Variants in CLVS1 observed in about 807,000 individuals in gnomAD.
The protein encoded by CLVS1 is clavesin 1.
Under a neutral mutation model 33.1 loss-of-function variants are expected in CLVS1, and 10 were observed. The ratio of observed to expected loss-of-function variants is 0.30; its 90% CI spans 0.19 to 0.51. The LOEUF (loss-of-function observed/expected upper bound fraction) is 0.51, where lower values mean the gene tolerates loss of function less well. CLVS1 is among the 20% of genes least tolerant of loss of function. The probability of loss-of-function intolerance (pLI) is 0.97; values close to 1 mark genes in which losing one functional copy is unlikely to be tolerated. For synonymous variants in CLVS1, 163 were observed against 166.1 expected (o/e 0.98, Z 0.14); for missense variants, 343 against 433.4 (o/e 0.79, Z 1.85).
intron 3 of CLVS1, chr8:61,377,559 AG>A (rs1470817891): frequency 6.6e-6 from 1 of 152,238 alleles, no homozygotes; most frequent in Non-Finnish European, 1.5e-5. Flanking sequence ...CATAGACGGC[AG>A]TTATAGGCAG....
In CLVS1 at chr8:61,300,293, A is replaced by C. The variant is rs772365032; in HGVS notation, c.455+11A>C. The C allele has an allele frequency of 6.2e-7, 1 of 1,601,510 alleles. No individual in the cohort carries two copies. On this transcript the variant is annotated intron_variant, in intron 2 of 5. Coordinates refer to ENST00000325897, the MANE Select transcript of CLVS1 (RefSeq NM_173519.3). ...TTGGGATCAGAGTAGGTAAATGTAG[A>C]TAGTGTCTTTACTTGGTTTTTCTTT...
intron 2 of CLVS1, among the ~76,000 whole-genome samples, chr8:61,323,030 A>G (rs16927177): frequency 0.014 from 2,148 of 152,158 alleles, 52 homozygotes; most frequent in African/African-American, 0.048. Flanking sequence ...ATAGGCACCT[A>G]AGGAACACGA....
chr8:61,063,745 A>G (rs183020867), intron 1 of CLVS1, among the ~76,000 whole-genome samples: 75 of 152,346 alleles, frequency 4.9e-4, no homozygotes, highest in Middle Eastern at 3.4e-3. Context: ...ACATAAAATT[A>G]CCATTTTAAC....
At chr8:61,031,448 C>T in the CLVS1 span, among the ~76,000 whole-genome samples, 3 of 152,200 alleles carry the variant, frequency 2.0e-5, no homozygotes, top group African/African-American at 7.2e-5. Flanking sequence ...GTCTCCACAC[C>T]AAGACTCAAC....
intron 2 of CLVS1, among the ~76,000 whole-genome samples, chr8:61,178,868 A>C (rs1466753929): frequency 6.6e-6 from 1 of 152,220 alleles, no homozygotes; most frequent in Non-Finnish European, 1.5e-5. Flanking sequence ...GAAAGGAAAA[A>C]CCAGTATCCA....
intron 2 of CLVS1, among the ~76,000 whole-genome samples, chr8:61,177,767 AAAAC>A (rs1807145783): frequency 6.6e-6 from 1 of 151,652 alleles, no homozygotes; most frequent in Non-Finnish European, 1.5e-5. Context: ...TATTGAAAGA[AAAAC>A]AAACACAACG....
chr8:61,097,567 C>A (rs1805376209), intron 1 of CLVS1, among the ~76,000 whole-genome samples: 1 of 152,174 alleles, frequency 6.6e-6, no homozygotes, highest in African/African-American at 2.4e-5. Flanking sequence ...AGAGAGAGTT[C>A]TCTGCTTTAC....
intron 2 of CLVS1, among the ~76,000 whole-genome samples, chr8:61,172,369 T>C (rs1054411348): frequency 4.6e-5 from 7 of 152,146 alleles, no homozygotes; most frequent in East Asian, 1.9e-4. Context: ...TGAGACAACT[T>C]GTGGAATTAA....
At chr8:61,367,612 C>A (rs536872464) in intron 2 of CLVS1, among the ~76,000 whole-genome samples, 5 of 152,330 alleles carry the variant, frequency 3.3e-5, no homozygotes, top group African/African-American at 1.2e-4. Context: ...ACTTTCTGTG[C>A]ATTACCATGA....
At chr8:61,253,225 C>A (rs972504578) in intron 2 of CLVS1, among the ~76,000 whole-genome samples, 1 of 152,174 alleles carries the variant, frequency 6.6e-6, no homozygotes, top group African/African-American at 2.4e-5. Flanking sequence ...AAATTCTTTT[C>A]TTTAAGAATG....
chr8:61,271,700 T>C (rs1369630235), intron 2 of CLVS1, among the ~76,000 whole-genome samples: 1 of 104,134 alleles, frequency 9.6e-6, no homozygotes, highest in Non-Finnish European at 1.8e-5. Flanking sequence ...TGGGTGCTCC[T>C]GTATTGGGTG....
At chr8:61,156,731 C>T (rs1806658213) in intron 2 of CLVS1, among the ~76,000 whole-genome samples, 1 of 152,076 alleles carries the variant, frequency 6.6e-6, no homozygotes, top group Non-Finnish European at 1.5e-5. Context: ...AAATATTATT[C>T]CCAAAATGTC....
intron 2 of CLVS1, among the ~76,000 whole-genome samples, chr8:61,363,283 T>C (rs759040550): frequency 2.6e-5 from 4 of 152,230 alleles, no homozygotes; most frequent in East Asian, 1.9e-4. Context: ...ATTTAAAATA[T>C]GTAAATTGTG....
chr8:61,017,511 C>G, the CLVS1 span, among the ~76,000 whole-genome samples: 1 of 152,252 alleles, frequency 6.6e-6, no homozygotes, highest in Non-Finnish European at 1.5e-5. Flanking sequence ...AACATGTTTT[C>G]TCGTGCCTGT....
chr8:61,270,044 C>T (rs1032198213), intron 2 of CLVS1, among the ~76,000 whole-genome samples: 1 of 151,970 alleles, frequency 6.6e-6, no homozygotes, highest in African/African-American at 2.4e-5. Flanking sequence ...GAACTTCCAA[C>T]ACTATGTTGA....
chr8:61,358,690 G>T (rs1197645642), intron 2 of CLVS1, among the ~76,000 whole-genome samples: 1 of 152,184 alleles, frequency 6.6e-6, no homozygotes, highest in Admixed American at 6.5e-5. Flanking sequence ...AGTATGCCCA[G>T]AAGAGAGGCC....
chr8:61,378,191 T>A (rs560051688), intron 3 of CLVS1: 2 of 152,372 alleles, frequency 1.3e-5, no homozygotes, highest in East Asian at 1.9e-4. Flanking sequence ...TTACCTTTTT[T>A]AAAAAAGATA....
At chr8:61,282,539 C>T (rs1290694696) in intron 2 of CLVS1, among the ~76,000 whole-genome samples, 1 of 152,266 alleles carries the variant, frequency 6.6e-6, no homozygotes, top group African/African-American at 2.4e-5. Context: ...GGATTACAAT[C>T]CCAGCTGCCC....
chr8:61,274,886 T>C (rs1346699719), intron 2 of CLVS1, among the ~76,000 whole-genome samples: 1 of 152,190 alleles, frequency 6.6e-6, no homozygotes, highest in Non-Finnish European at 1.5e-5. Flanking sequence ...GTCAGACAGC[T>C]TTAAAGACTG....
Sources: allele counts gnomAD v4.1 joint callset (sites outside exome capture counted in the v4.1 genomes callset), GRCh38; gene constraint gnomAD v4.1.1; transcripts MANE v1.5; gene names NCBI Gene and HGNC (gene_info 2026-07-23, HGNC 2026-07-21).